FOXJ1: variants seen among roughly 807,000 people sequenced by gnomAD.
The protein encoded by FOXJ1 is forkhead box protein J1.
A neutral mutation model predicts 29.3 loss-of-function variants in FOXJ1; 8 were observed. The observed-to-expected ratio is 0.27, with a 90% CI of 0.16 to 0.49. The LOEUF (loss-of-function observed/expected upper bound fraction) is 0.49. FOXJ1 is among the 20% of genes least tolerant of loss of function. FOXJ1 has a pLI of 0.98. For missense variants in FOXJ1, 539 were observed against 595.5 expected (o/e 0.91, Z 0.99); for synonymous variants, 280 against 278.7 (o/e 1.00, Z -0.05).
Position 76,137,618 on chromosome 17 carries a change from G to C in FOXJ1, c.1001C>G (p.Pro334Arg), listed in dbSNP as rs758017606. ...LGALEALELSPPLSPASHVDV... is the reference protein window; with the variant it reads ...LGALEALELSRPLSPASHVDV... ...CACGTGTGAGGCGGGGCTCAGAGGCGGGCTCAGCTCCAGGGCCTCCAGTGC... is the reference window on the plus strand; with the variant it reads ...CACGTGTGAGGCGGGGCTCAGAGGCCGGCTCAGCTCCAGGGCCTCCAGTGC... The change falls in exon 3 of 3, where the codon CCG (proline) becomes CGG (arginine). Residue 334 changes from proline to arginine, a missense_variant. Pro to Arg is a moderately radical substitution (Grantham distance 103). Transcript: ENST00000322957. This position sits in a 1 kb window ranked among gnomAD's most constrained non-coding sequence, Gnocchi z 9.5. 8 of 1,590,822 alleles carry C rather than the reference G, an allele frequency of 5.0e-6. No homozygotes were observed.
In FOXJ1 at chr17:76,140,861, C is replaced by A. The variant is rs1270279065; in HGVS notation, c.-170+253G>T. 6.6e-6 allele frequency among the ~76,000 whole-genome samples: 1 copy of A among 151,344 alleles called. No individual in the cohort carries two copies. Among genetic ancestry groups the A allele is most frequent in the Non-Finnish European group, 1.5e-5 (1 of 67,890 alleles). ...CTCCTCGCAACAAATGGAAGTGGGG[C>A]GAGAAGTTTGGGAGGGCGGTACGAC... On this transcript the variant is annotated intron_variant, in intron 1 of 2. Coordinates refer to ENST00000322957, the MANE Select transcript of FOXJ1 (RefSeq NM_001454.4). This position sits in a 1 kb window ranked among gnomAD's most constrained non-coding sequence, Gnocchi z 8.0.
Position 76,138,026 on chromosome 17 carries a change from T to C in FOXJ1, c.593A>G (p.Asp198Gly). Reference sequence around the variant, plus strand: ...CAGTAGCCGCTCCGCGTACTGGGGGTCAATGCGCCAGAAGCCCCCCTTGCC... The same window carrying C: ...CAGTAGCCGCTCCGCGTACTGGGGGCCAATGCGCCAGAAGCCCCCCTTGCC... The part of the protein sequence containing the change: ...EPGKGGFWRI[D>G]PQYAERLLSG... The change falls in exon 3 of 3, where the codon GAC becomes GGC. Residue 198 changes from aspartate to glycine, a missense_variant. This residue lies in a region of FOXJ1 where 178 missense variants were observed against 254.4 expected (regional missense o/e 0.70). Transcript: ENST00000322957. 6.2e-7 allele frequency: 1 copy of C among 1,613,504 alleles called. No homozygotes were observed.
In FOXJ1 at chr17:76,137,503, G is replaced by A. The variant is rs147424553; in HGVS notation, c.1116C>T (p.Phe372=). 1.0e-5 allele frequency: 16 copies of A among 1,586,648 alleles called. No homozygotes were observed. Among genetic ancestry groups the A allele is most frequent in the Admixed American group, 8.9e-5 (5 of 56,074 alleles). ...AGGATGTGGCCAGGAAGGTCTCATC[G>A]AAGTCCAGGCTGTCGGCAGCCTGCT... ...SVEQAADSLD[F]DETFLATSFL... Residue 372 remains phenylalanine, a synonymous_variant, in exon 3 of 3, where the codon TTC becomes TTT. Coordinates refer to ENST00000322957, the MANE Select transcript of FOXJ1 (RefSeq NM_001454.4). This position sits in a 1 kb window ranked among gnomAD's most constrained non-coding sequence, Gnocchi z 9.5.
intron 2 of FOXJ1, 103 bp from the exon 3 acceptor site, chr17:76,138,223 T>G: frequency 2.4e-5 from 31 of 1,289,130 alleles, no homozygotes; most frequent in Non-Finnish European, 2.8e-5. Flanking sequence ...ATCTTTTCTC[T>G]GGCAGGGGAG....
chr17:76,138,557 G>GA (rs1331902971), intron 2 of FOXJ1, among the ~76,000 whole-genome samples: 2 of 152,088 alleles, frequency 1.3e-5, no homozygotes, highest in Non-Finnish European at 2.9e-5. Flanking sequence ...CTGGGCAGCC[G>GA]AGAGTGGAGA....
In FOXJ1 at chr17:76,137,467, G is replaced by A; in HGVS notation, c.1152C>T (p.His384=). The part of the protein sequence containing the change: ...ETFLATSFLQ[H]PWDESGSGCL... ...AGCCACTGCCGCTCTCGTCCCAGGGGTGCTGCAGGAAGGATGTGGCCAGGA... is the reference window on the plus strand; with the variant it reads ...AGCCACTGCCGCTCTCGTCCCAGGGATGCTGCAGGAAGGATGTGGCCAGGA... The change falls in exon 3 of 3, where the codon CAC becomes CAT. Residue 384 remains histidine (H), a synonymous_variant. Coordinates refer to ENST00000322957, the MANE Select transcript of FOXJ1 (RefSeq NM_001454.4). This position sits in a 1 kb window ranked among gnomAD's most constrained non-coding sequence, Gnocchi z 9.5. 1 of 1,567,164 alleles carries A rather than the reference G, an allele frequency of 6.4e-7. No individual in the cohort carries two copies.
chr17:76,140,443 C>T lies in FOXJ1; in HGVS notation c.-48G>A. On this transcript the variant is annotated 5_prime_UTR_variant, in exon 2 of 3. Coordinates refer to ENST00000322957, the MANE Select transcript of FOXJ1 (RefSeq NM_001454.4). This position sits in a 1 kb window ranked among gnomAD's most constrained non-coding sequence, Gnocchi z 8.0. ...GGCGGTCAGCATCCACGGGCTGAGCCGGGGGTGGCCCGCCGCGCTCTCTGG... is the reference window on the plus strand; with the variant it reads ...GGCGGTCAGCATCCACGGGCTGAGCTGGGGGTGGCCCGCCGCGCTCTCTGG... The T allele has an allele frequency of 2.9e-6, 4 of 1,368,662 alleles. No homozygotes were observed. The highest frequency in any genetic ancestry group is 3.7e-6 in the Non-Finnish European group (4 of 1,067,706). The allele number at this position is 1,368,662 out of a possible 1,614,324, so 84.8% of individuals were successfully genotyped here.
At position 76,138,045 on chromosome 17, in the gene FOXJ1, C is replaced by A; in HGVS notation, c.574G>T (p.Gly192Trp). 6.2e-7 allele frequency: 1 copy of A among 1,613,966 alleles called. No homozygotes were observed. The highest frequency in any genetic ancestry group is 8.5e-7 in the Non-Finnish European group (1 of 1,180,018). ...TGGGGGTCAATGCGCCAGAAGCCCCCCTTGCCTGGTTCGTCCTTCTCCCGA... is the reference window on the plus strand; with the variant it reads ...TGGGGGTCAATGCGCCAGAAGCCCCACTTGCCTGGTTCGTCCTTCTCCCGA... ...VPREKDEPGK[G>W]GFWRIDPQYA... The change falls in exon 3 of 3, where the codon GGG (glycine) becomes TGG (tryptophan). Residue 192 changes from glycine (G) to tryptophan (W), a missense_variant. By Grantham distance (184) the Gly-to-Trp change is radical. Around this residue, in one of 3 missense-constraint regions of FOXJ1, gnomAD observed 178 missense variants for 254.4 expected, o/e 0.70. Transcript: ENST00000322957.
Position 76,137,639 on chromosome 17 carries a change from A to T in FOXJ1, c.980T>A (p.Leu327Gln). 6.2e-7 allele frequency: 1 copy of T among 1,602,200 alleles called. No homozygotes were observed. Among genetic ancestry groups the T allele is most frequent in the Non-Finnish European group, 8.5e-7 (1 of 1,175,166 alleles). ...AGTLGGELGA[L>Q]EALELSPPLS... ...AGGCGGGCTCAGCTCCAGGGCCTCCAGTGCACCCAGCTCCCCGCCCAGAGT... is the reference window on the plus strand; with the variant it reads ...AGGCGGGCTCAGCTCCAGGGCCTCCTGTGCACCCAGCTCCCCGCCCAGAGT... The change falls in exon 3 of 3, where the codon CTG (leucine) becomes CAG (glutamine). Residue 327 changes from leucine to glutamine, a missense_variant. This residue lies in a region of FOXJ1 where 302 missense variants were observed against 293.6 expected (regional missense o/e 1.03). Coordinates refer to ENST00000322957, the MANE Select transcript of FOXJ1 (RefSeq NM_001454.4). This position sits in a 1 kb window ranked among gnomAD's most constrained non-coding sequence, Gnocchi z 9.5.
chr17:76,140,455 G>GC lies in FOXJ1; in HGVS notation c.-61dup, dbSNP rs1353333748. ...CCACGGGCTGAGCCGGGGGTGGCCC[G>GC]CCGCGCTCTCTGGCCCGCTGAGTCC... is the stretch of plus-strand genomic sequence containing the variant. On this transcript the variant is annotated 5_prime_UTR_variant, in exon 2 of 3. Transcript: ENST00000322957. This position sits in a 1 kb window ranked among gnomAD's most constrained non-coding sequence, Gnocchi z 8.0. 29 of 1,354,794 alleles carry GC rather than the reference G, an allele frequency of 2.1e-5. No homozygotes were observed. The highest frequency in any genetic ancestry group is 1.2e-4 in the Admixed American group (3 of 25,866). The allele number at this position is 1,354,794 out of a possible 1,614,324, so 83.9% of individuals were successfully genotyped here. A position where few individuals can be genotyped will look rare whatever the true frequency, so the allele number is the denominator to read the frequency against.
Position 76,137,482 on chromosome 17 carries a change from T to G in FOXJ1, c.1137A>C (p.Thr379=). The change falls in exon 3 of 3, where the codon ACA becomes ACC. Residue 379 remains threonine (T), a synonymous_variant. Transcript: ENST00000322957. This position sits in a 1 kb window ranked among gnomAD's most constrained non-coding sequence, Gnocchi z 9.5. ...CGTCCCAGGGGTGCTGCAGGAAGGA[T>G]GTGGCCAGGAAGGTCTCATCGAAGT... ...SLDFDETFLA[T]SFLQHPWDES... 1 of 1,576,530 alleles carries G rather than the reference T, an allele frequency of 6.3e-7. No individual in the cohort carries two copies. The highest frequency in any genetic ancestry group is 8.6e-7 in the Non-Finnish European group (1 of 1,162,418).
Position 76,137,753 on chromosome 17 carries a change from G to A in FOXJ1, c.866C>T (p.Pro289Leu). The A allele has an allele frequency of 6.2e-7, 1 of 1,610,010 alleles. No homozygotes were observed. The highest frequency in any genetic ancestry group is 8.5e-7 in the Non-Finnish European group (1 of 1,178,236). ...CTCCGGGGTGGGCAGCAGGGTGCTG[G>A]GGGGCCGCGGGACCTTGGCCACCCG... Reference protein sequence around the residue: ...PKRVAKVPRPPSTLLPTPEEQ... With the variant: ...PKRVAKVPRPLSTLLPTPEEQ... The change falls in exon 3 of 3, where the codon CCC becomes CTC. Residue 289 changes from proline to leucine, a missense_variant. By Grantham distance (98) the Pro-to-Leu change is moderately conservative. Around this residue, in one of 3 missense-constraint regions of FOXJ1, gnomAD observed 302 missense variants for 293.6 expected, o/e 1.03. Coordinates refer to ENST00000322957, the MANE Select transcript of FOXJ1 (RefSeq NM_001454.4). This position sits in a 1 kb window ranked among gnomAD's most constrained non-coding sequence, Gnocchi z 9.5.
chr17:76,138,558 A>C (rs1036368157), intron 2 of FOXJ1, among the ~76,000 whole-genome samples: 6 of 151,682 alleles, frequency 4.0e-5, no homozygotes, highest in African/African-American at 1.2e-4. Flanking sequence ...TGGGCAGCCG[A>C]GAGTGGAGAG....
chr17:76,138,237 A>G (rs981397150), intron 2 of FOXJ1, 117 bp from the exon 3 acceptor site: 46 of 1,065,978 alleles, frequency 4.3e-5, no homozygotes, highest in South Asian at 1.5e-4. Context: ...AGGGGAGAGG[A>G]GGGGGGGACA....
In FOXJ1 at chr17:76,140,332, C is replaced by A; in HGVS notation, c.64G>T (p.Gly22Cys). Residue 22 changes from glycine (G) to cysteine (C), a missense_variant, in exon 2 of 3, where the codon GGC becomes TGC. Coordinates refer to ENST00000322957, the MANE Select transcript of FOXJ1 (RefSeq NM_001454.4). This position sits in a 1 kb window ranked among gnomAD's most constrained non-coding sequence, Gnocchi z 8.0. ...TCCAGGGCGTCGGGCTCCTCCAGGC[C>A]GCCCTCCGGCCCGGCCTCCTCCGCC... ...GPAEEAGPEG[G>C]LEEPDALDDS... 1.3e-6 allele frequency: 2 copies of A among 1,498,860 alleles called. No individual in the cohort carries two copies. Among genetic ancestry groups the A allele is most frequent in the Admixed American group, 2.6e-5 (1 of 39,048 alleles). 92.8% of individuals were successfully genotyped at this position (1,498,860 alleles called of 1,614,324 possible). A position where few individuals can be genotyped will look rare whatever the true frequency, so the allele number is the denominator to read the frequency against.
chr17:76,140,503 C>T lies in FOXJ1; in HGVS notation c.-108G>A. ...TCCCGCAGCTCCCGTTACACGGCCT[C>T]CCGGACGCGCGCTTCCATCTCGCGA... is the stretch of plus-strand genomic sequence containing the variant. On this transcript the variant is annotated 5_prime_UTR_variant, in exon 2 of 3. Coordinates refer to ENST00000322957, the MANE Select transcript of FOXJ1 (RefSeq NM_001454.4). This position sits in a 1 kb window ranked among gnomAD's most constrained non-coding sequence, Gnocchi z 8.0. 1 of 1,012,202 alleles carries T rather than the reference C, an allele frequency of 9.9e-7. No individual in the cohort carries two copies. Among genetic ancestry groups the T allele is most frequent in the Middle Eastern group, 3.3e-4 (1 of 2,996 alleles). The allele number at this position is 1,012,202 out of a possible 1,614,324, so 62.7% of individuals were successfully genotyped here.
At position 76,140,313 on chromosome 17, in the gene FOXJ1, G is replaced by T; in HGVS notation, c.83C>A (p.Ala28Asp). The T allele has an allele frequency of 6.7e-7, 1 of 1,494,928 alleles. No homozygotes were observed. 92.6% of individuals were successfully genotyped at this position (1,494,928 alleles called of 1,614,324 possible). A position where few individuals can be genotyped will look rare whatever the true frequency, so the allele number is the denominator to read the frequency against. Residue 28 changes from alanine to aspartate, a missense_variant, in exon 2 of 3, where the codon GCC (alanine) becomes GAC (aspartate). This residue lies in a region of FOXJ1 where 59 missense variants were observed against 47.5 expected (regional missense o/e 1.24). Transcript: ENST00000322957. This position sits in a 1 kb window ranked among gnomAD's most constrained non-coding sequence, Gnocchi z 8.0. ...GPEGGLEEPD[A>D]LDDSLTSLQW... ...CAGGCTGGTCAGGCTGTCATCCAGG[G>T]CGTCGGGCTCCTCCAGGCCGCCCTC...
Position 76,138,086 on chromosome 17 carries a change from C to T in FOXJ1, c.533G>A (p.Cys178Tyr). The T allele has an allele frequency of 6.2e-7, 1 of 1,613,914 alleles. No homozygotes were observed. The highest frequency in any genetic ancestry group is 8.5e-7 in the Non-Finnish European group (1 of 1,180,036). ...SIRHNLSLNK[C>Y]FIKVPREKDE... Reference sequence around the variant, plus strand: ...CTTCTCCCGAGGCACTTTGATGAAGCACTTGTTCAGAGACAGGTTGTGGCG... The same window carrying T: ...CTTCTCCCGAGGCACTTTGATGAAGTACTTGTTCAGAGACAGGTTGTGGCG... Residue 178 changes from cysteine (C) to tyrosine (Y), a missense_variant, in exon 3 of 3, where the codon TGC (cysteine) becomes TAC (tyrosine). Physicochemically the swap from Cys to Tyr is radical, Grantham distance 194. Around this residue, in one of 3 missense-constraint regions of FOXJ1, gnomAD observed 178 missense variants for 254.4 expected, o/e 0.70. Transcript: ENST00000322957.
rs571143288 is a variant in FOXJ1, at chr17:76,137,568, G to C, written c.1051C>G (p.Arg351Gly). 8 of 1,596,424 alleles carry C rather than the reference G, an allele frequency of 5.0e-6. No individual in the cohort carries two copies. The highest frequency in any genetic ancestry group is 6.0e-6 in the Non-Finnish European group (7 of 1,171,078). ...CAGGTGGCAGGGCAGTCGATGTGGC[G>C]GCCGTGGATGGTGAGGTCCACGTCC... ...HVDVDLTIHGRHIDCPATWGP... is the reference protein window; with the variant it reads ...HVDVDLTIHGGHIDCPATWGP... Residue 351 changes from arginine (R) to glycine (G), a missense_variant, in exon 3 of 3, where the codon CGC becomes GGC. By Grantham distance (125) the Arg-to-Gly change is moderately radical. Around this residue, in one of 3 missense-constraint regions of FOXJ1, gnomAD observed 302 missense variants for 293.6 expected, o/e 1.03. Transcript: ENST00000322957. The surrounding 1 kb of genome is among the most constrained non-coding windows in gnomAD (Gnocchi z 9.5).
Sources: gnomAD v4.1 joint callset for allele counts (sites outside exome capture counted in the v4.1 genomes callset) on GRCh38, gnomAD v4.1.1 for gene constraint, gnomAD v4.1.1 regional missense constraint, Gnocchi (gnomAD v3.1) non-coding constraint, MANE v1.5 for transcripts, NCBI Gene and HGNC (gene_info 2026-07-23, HGNC 2026-07-21) for gene names.